The following SLC39A10 variants were observed in gnomAD, a reference collection of about 807,000 sequenced individuals.
The protein encoded by SLC39A10 is solute carrier family 39 member 10.
A neutral mutation model predicts 65.1 loss-of-function variants in SLC39A10; 13 were observed. That is an observed-to-expected ratio of 0.20 (90% CI 0.13 to 0.32). The LOEUF (loss-of-function observed/expected upper bound fraction) is 0.32, where lower values mean the gene tolerates loss of function less well. SLC39A10 is among the 10% of genes least tolerant of loss of function. The probability of loss-of-function intolerance (pLI) is 1.00; values close to 1 mark genes in which losing one functional copy is unlikely to be tolerated. For synonymous variants in SLC39A10, 321 were observed against 342.2 expected (o/e 0.94, Z 0.68); for missense variants, 831 against 1,018.4 (o/e 0.82, Z 2.50).
intron 8 of SLC39A10, among the ~76,000 whole-genome samples, chr2:195,727,533 GA>G (rs5837475): frequency 6.6e-6 from 1 of 150,904 alleles, no homozygotes; most frequent in African/African-American, 2.4e-5. Flanking sequence ...TTCTTTCTGG[GA>G]AAAAAAAATA....
At chr2:195,672,258 G>A (rs76563866) in intron 1 of SLC39A10, among the ~76,000 whole-genome samples, 12,937 of 152,008 alleles carry the variant, frequency 0.085, 744 homozygotes, top group East Asian at 0.22. Flanking sequence ...AGCCTGTTAA[G>A]TAGCTGGGAG....
intron 2 of SLC39A10, among the ~76,000 whole-genome samples, chr2:195,627,320 A>G (rs1021634772): frequency 6.6e-5 from 10 of 152,176 alleles, no homozygotes; most frequent in African/African-American, 9.7e-5. Context: ...TTAAAGCAAA[A>G]TAGCTACAAC....
chr2:195,730,621 G>A (rs1474628224), intron 9 of SLC39A10, among the ~76,000 whole-genome samples: 1 of 152,172 alleles, frequency 6.6e-6, no homozygotes, highest in Non-Finnish European at 1.5e-5. Flanking sequence ...AAAGATGTAA[G>A]TAATTTCATC....
At chr2:195,679,738 G>A (rs1021406373) in intron 1 of SLC39A10, among the ~76,000 whole-genome samples, 12 of 151,940 alleles carry the variant, frequency 7.9e-5, no homozygotes, top group African/African-American at 2.9e-4. Context: ...CTATTTTTGA[G>A]TTTTATTTTC....
At chr2:195,615,915 T>A (rs1277786442) in intron 2 of SLC39A10, among the ~76,000 whole-genome samples, 1 of 152,254 alleles carries the variant, frequency 6.6e-6, no homozygotes, top group African/African-American at 2.4e-5. Flanking sequence ...TGTATTTATC[T>A]TAACCTCCTT....
chr2:195,708,957 T>G (rs2105814458), intron 5 of SLC39A10, 113 bp downstream of exon 5: 1 of 706,606 alleles, frequency 1.4e-6, no homozygotes, highest in East Asian at 3.0e-5. Flanking sequence ...AAGTCTCAGT[T>G]TTGTAACAGC....
intron 2 of SLC39A10, among the ~76,000 whole-genome samples, chr2:195,617,525 GT>G (rs1688242255): frequency 6.6e-6 from 1 of 151,814 alleles, no homozygotes; most frequent in African/African-American, 2.4e-5. Context: ...TTGTGCCACT[GT>G]ACTCCAGCCT....
intron 1 of SLC39A10, among the ~76,000 whole-genome samples, chr2:195,675,531 G>A (rs1690047563): frequency 1.3e-5 from 2 of 152,210 alleles, no homozygotes; most frequent in Admixed American, 1.3e-4. Flanking sequence ...CGCTTCCCGG[G>A]TTCATGCCAT....
upstream of SLC39A10, among the ~76,000 whole-genome samples, chr2:195,655,559 T>C (rs1282927136): frequency 6.6e-6 from 1 of 152,256 alleles, no homozygotes; most frequent in Non-Finnish European, 1.5e-5. Flanking sequence ...TTATGAACTC[T>C]AAGGACTTTA....
intron 3 of SLC39A10, among the ~76,000 whole-genome samples, chr2:195,688,726 T>G (rs1690616568): frequency 6.6e-6 from 1 of 152,232 alleles, no homozygotes; most frequent in Non-Finnish European, 1.5e-5. Flanking sequence ...TTTTTACTCC[T>G]TATTTGGGAC....
intron 3 of SLC39A10, among the ~76,000 whole-genome samples, chr2:195,701,271 G>A (rs1444877091): frequency 6.9e-6 from 1 of 144,880 alleles, no homozygotes; most frequent in Non-Finnish European, 1.5e-5. Flanking sequence ...GTTTCTTTTT[G>A]ATTTATCTTT....
intron 5 of SLC39A10, among the ~76,000 whole-genome samples, chr2:195,711,397 T>C (rs1691597556): frequency 1.3e-5 from 2 of 152,190 alleles, no homozygotes; most frequent in Non-Finnish European, 2.9e-5. Flanking sequence ...GACAGCTTTT[T>C]TGTAAATTTG....
chr2:195,716,583 C>G (rs1357361341), intron 6 of SLC39A10, 54 bp from the exon 7 acceptor site: 2 of 1,346,238 alleles, frequency 1.5e-6, no homozygotes, highest in African/African-American at 3.1e-5. Flanking sequence ...TTTAAATTAG[C>G]AAATATCCAT....
chr2:195,693,551 T>G (rs1690826960), intron 3 of SLC39A10, among the ~76,000 whole-genome samples: 1 of 152,262 alleles, frequency 6.6e-6, no homozygotes, highest in Non-Finnish European at 1.5e-5. Flanking sequence ...TTCCAGGAAT[T>G]TATCCATCTC....
intron 3 of SLC39A10, among the ~76,000 whole-genome samples, chr2:195,692,477 G>A (rs1367497222): frequency 1.3e-5 from 2 of 152,128 alleles, no homozygotes; most frequent in Non-Finnish European, 2.9e-5. Context: ...CTATCCATGA[G>A]CATGGGACGT....
At position 195,682,876 on chromosome 2, in the gene SLC39A10, A is replaced by G. The variant is rs1690379737; in HGVS notation, c.1009-823A>G. ...AAAAAATAAAAAAAAAAAACTAAGAAGAATCATTTTTCTGTGTTTATAGGT... is the reference window on the plus strand; with the variant it reads ...AAAAAATAAAAAAAAAAAACTAAGAGGAATCATTTTTCTGTGTTTATAGGT... On this transcript the variant is annotated intron_variant, in intron 2 of 9. Coordinates refer to ENST00000359634, the MANE Select transcript of SLC39A10 (RefSeq NM_020342.3). Among the ~76,000 whole-genome samples, 3 of 151,922 alleles carry G rather than the reference A, an allele frequency of 2.0e-5. No homozygotes were observed. The South Asian group carries it at 6.2e-4, about 31-fold the overall frequency.
At chr2:195,650,008 G>A (rs1035263151) in intron 2 of SLC39A10, among the ~76,000 whole-genome samples, 1 of 152,088 alleles carries the variant, frequency 6.6e-6, no homozygotes, top group African/African-American at 2.4e-5. Context: ...ATATTCTCAC[G>A]GAGGTATAAA....
chr2:195,624,559 G>C (rs1688423309), intron 2 of SLC39A10, among the ~76,000 whole-genome samples: 1 of 151,836 alleles, frequency 6.6e-6, no homozygotes, highest in Admixed American at 6.6e-5. Flanking sequence ...AAGGAGGGAG[G>C]GGGTGCACAT....
chr2:195,626,355 C>T (rs1249220256), intron 2 of SLC39A10, among the ~76,000 whole-genome samples: 2 of 152,096 alleles, frequency 1.3e-5, no homozygotes, highest in Non-Finnish European at 2.9e-5. Context: ...TCAGATTCCC[C>T]TTGTGATAAG....
Sources: allele counts gnomAD v4.1 joint callset (sites outside exome capture counted in the v4.1 genomes callset), GRCh38; gene constraint gnomAD v4.1.1; transcripts MANE v1.5; gene names NCBI Gene and HGNC (gene_info 2026-07-23, HGNC 2026-07-21).